Variants in RANBP2 observed in about 807,000 individuals in gnomAD.
RANBP2 encodes RAN binding protein 2.
RANBP2 carries 57 observed loss-of-function variants against 303.6 expected under a neutral mutation model. That is an observed-to-expected ratio of 0.19 (90% CI 0.15 to 0.23). The LOEUF (loss-of-function observed/expected upper bound fraction) is 0.23. Among genes scored for constraint, RANBP2 ranks in the 10% least tolerant of loss-of-function variants. The pLI, the probability that RANBP2 is intolerant of heterozygous loss-of-function variation, is 1.00. For synonymous variants in RANBP2, 1,167 were observed against 1,301.5 expected (o/e 0.90, Z 2.23); for missense variants, 3,138 against 3,780.8 (o/e 0.83, Z 4.46).
At chr2:109,621,055 T>C in the RANBP2 span, among the ~76,000 whole-genome samples, 1 of 152,230 alleles carries the variant, frequency 6.6e-6, no homozygotes, top group Non-Finnish European at 1.5e-5. Flanking sequence ...CCATATTCAT[T>C]CTGACCAAAG....
the RANBP2 span, among the ~76,000 whole-genome samples, chr2:109,582,276 G>A: frequency 6.6e-6 from 1 of 151,952 alleles, no homozygotes; most frequent in African/African-American, 2.4e-5. Context: ...TAGTTAAAAC[G>A]GCCATACTAC....
chr2:109,267,395 T>C, the RANBP2 span, among the ~76,000 whole-genome samples: 1 of 152,146 alleles, frequency 6.6e-6, no homozygotes, highest in African/African-American at 2.4e-5. Context: ...AGTGCTGAGC[T>C]TGCCCGAAGA....
chr2:109,475,224 G>A, the RANBP2 span, among the ~76,000 whole-genome samples: 110 of 152,224 alleles, frequency 7.2e-4, no homozygotes, highest in African/African-American at 2.6e-3. Context: ...TGATCCACCC[G>A]CCTCGGCCTC....
In RANBP2 at chr2:108,763,902, G is replaced by T. The variant is rs112835359; in HGVS notation, c.3363G>T (p.Lys1121Asn). The change falls in exon 20 of 29, where the codon AAG becomes AAT. Residue 1121 changes from lysine (K) to asparagine (N), a missense_variant. By Grantham distance (94) the Lys-to-Asn change is moderately conservative. This residue lies in a region of RANBP2 where 403 missense variants were observed against 376.7 expected (regional missense o/e 1.07). Transcript: ENST00000283195. ...AAAACATGGGGTCGAGTCAGCAAAA[G>T]AATTCTGGTTTTCGGCGAAGTGATG... ...FTENMGSSQQKNSGFRRSDDM... is the reference protein window; with the variant it reads ...FTENMGSSQQNNSGFRRSDDM... 3.7e-4 allele frequency: 598 copies of T among 1,613,914 alleles called. 2 individuals are homozygous for T. Among genetic ancestry groups the T allele is most frequent in the Middle Eastern group, 1.6e-3 (10 of 6,062 alleles).
chr2:109,113,714 G>C, the RANBP2 span, among the ~76,000 whole-genome samples: 2 of 152,184 alleles, frequency 1.3e-5, no homozygotes, highest in Non-Finnish European at 2.9e-5. Flanking sequence ...TCTTGTGCCA[G>C]TTTTCAAAGG....
intron 12 of RANBP2, among the ~76,000 whole-genome samples, chr2:108,752,319 T>C (rs1000976401): frequency 6.6e-6 from 1 of 152,068 alleles, no homozygotes; most frequent in Admixed American, 6.6e-5. Flanking sequence ...TCTTTCTATA[T>C]ACTTAAGGTG....
the RANBP2 span, among the ~76,000 whole-genome samples, chr2:109,263,733 G>A: frequency 9.8e-5 from 15 of 152,302 alleles, no homozygotes; most frequent in Middle Eastern, 3.4e-3. Context: ...TTGGGAGGCC[G>A]AGGTGGGCAG....
chr2:108,723,567 G>A (rs1694457583), intron 1 of RANBP2, among the ~76,000 whole-genome samples: 1 of 152,076 alleles, frequency 6.6e-6, no homozygotes, highest in African/African-American at 2.4e-5. Flanking sequence ...GAGCCACCGC[G>A]CCGGGCCCCA....
chr2:109,413,571 T>C, the RANBP2 span, among the ~76,000 whole-genome samples: 1 of 152,206 alleles, frequency 6.6e-6, no homozygotes, highest in Non-Finnish European at 1.5e-5. Context: ...TCTCCCGCTC[T>C]AGAATGGAGA....
At chr2:109,275,258 C>T in the RANBP2 span, among the ~76,000 whole-genome samples, 1 of 152,206 alleles carries the variant, frequency 6.6e-6, no homozygotes, top group African/African-American at 2.4e-5. Context: ...GATATTCACC[C>T]TACCCTCTCT....
chr2:109,279,225 C>T, the RANBP2 span, among the ~76,000 whole-genome samples: 2 of 152,156 alleles, frequency 1.3e-5, no homozygotes, highest in Non-Finnish European at 2.9e-5. Flanking sequence ...ATTAGCTTGT[C>T]GAGAGCCCTG....
chr2:109,145,225 C>T, the RANBP2 span, among the ~76,000 whole-genome samples: 1 of 152,194 alleles, frequency 6.6e-6, no homozygotes, highest in African/African-American at 2.4e-5. Context: ...TGGGTCCTTC[C>T]TGACCACGGT....
At chr2:109,706,868 C>G in the RANBP2 span, among the ~76,000 whole-genome samples, 1 of 152,158 alleles carries the variant, frequency 6.6e-6, no homozygotes, top group Non-Finnish European at 1.5e-5. Flanking sequence ...CTTTCCACAG[C>G]AGGAAGCCTG....
chr2:108,767,253 C>G lies in RANBP2; in HGVS notation c.6714C>G (p.Val2238=). 1 of 1,612,016 alleles carries G rather than the reference C, an allele frequency of 6.2e-7. No homozygotes were observed. ...GGGAAGATGCTTTGGATGATAGTGTCAGTAGTAGCTCAGTACATGCTTCTC... is the reference window on the plus strand; with the variant it reads ...GGGAAGATGCTTTGGATGATAGTGTGAGTAGTAGCTCAGTACATGCTTCTC... ...DLREDALDDS[V]SSSSVHASPL... The change falls in exon 20 of 29, where the codon GTC becomes GTG. Residue 2238 remains valine, a synonymous_variant. Transcript: ENST00000283195.
At chr2:108,788,889 A>G, downstream of RANBP2, 1 of 1,614,132 alleles carries the variant, frequency 6.2e-7, no homozygotes, top group South Asian at 1.1e-5. Context: ...AAGTTGGTTC[A>G]TCGTTAAAAT....
chr2:109,691,757 G>C, the RANBP2 span, among the ~76,000 whole-genome samples: 1 of 144,796 alleles, frequency 6.9e-6, no homozygotes, highest in Non-Finnish European at 1.5e-5. Context: ...TCCAACTTTA[G>C]GCCCCCTGGA....
the RANBP2 span, among the ~76,000 whole-genome samples, chr2:109,500,113 C>A: frequency 6.6e-6 from 1 of 152,080 alleles, no homozygotes; most frequent in Non-Finnish European, 1.5e-5. Context: ...ACAGTCGATT[C>A]TTTTGGCTGC....
the RANBP2 span, among the ~76,000 whole-genome samples, chr2:109,123,141 C>T: frequency 6.6e-6 from 1 of 152,034 alleles, no homozygotes. Flanking sequence ...GTGGTGAATG[C>T]GTGTGGCCAT....
chr2:109,144,784 G>C, the RANBP2 span, among the ~76,000 whole-genome samples: 1 of 152,242 alleles, frequency 6.6e-6, no homozygotes, highest in Non-Finnish European at 1.5e-5. Context: ...CAGGCACCAG[G>C]CTGGAGCCTG....
Sources: gnomAD v4.1 joint callset for allele counts (sites outside exome capture counted in the v4.1 genomes callset) on GRCh38, gnomAD v4.1.1 for gene constraint, gnomAD v4.1.1 regional missense constraint, MANE v1.5 for transcripts, NCBI Gene and HGNC (gene_info 2026-07-23, HGNC 2026-07-21) for gene names.